Variants in OLFM1 observed in about 807,000 individuals in gnomAD.
OLFM1 encodes noelin.
In OLFM1, 9 loss-of-function variants were observed where a neutral mutation model predicts 49.7. That is an observed-to-expected ratio of 0.18 (90% CI 0.11 to 0.32). The LOEUF is 0.32. Among genes scored for constraint, OLFM1 ranks in the 10% least tolerant of loss-of-function variants. The pLI, the probability that OLFM1 is intolerant of heterozygous loss-of-function variation, is 1.00. For synonymous variants in OLFM1, 240 were observed against 271.8 expected, an observed-to-expected ratio of 0.88 and a Z score of 1.15; for missense variants, 369 against 661.8, an observed-to-expected ratio of 0.56 and a Z score of 4.85.
intron 4 of OLFM1, among the ~76,000 whole-genome samples, chr9:135,099,180 A>T (rs933605543): frequency 6.6e-6 from 1 of 152,242 alleles, no homozygotes; most frequent in South Asian, 2.1e-4. Flanking sequence ...GTCTGCTTTT[A>T]AATAGCACAT....
chr9:135,106,945 C>G, intron 5 of OLFM1, 90 bp downstream of exon 5: 2 of 1,051,240 alleles, frequency 1.9e-6, no homozygotes, highest in Non-Finnish European at 2.8e-6. Flanking sequence ...AAGCCACGCC[C>G]ACCCTCCAGG....
In OLFM1 at chr9:135,095,844, A is replaced by G. The variant is rs776210873; in HGVS notation, c.301-20A>G. On this transcript the variant is annotated intron_variant, in intron 2 of 5. Coordinates refer to ENST00000371793, the MANE Select transcript of OLFM1 (RefSeq NM_001282611.2). ...GCACCTACTGCGGCTGTTTTGCTGA[A>G]CCTGTTGCCCTTTTGACAGGTGCAG... The G allele has an allele frequency of 8.7e-6, 14 of 1,611,202 alleles. No homozygotes were observed. Among genetic ancestry groups the G allele is most frequent in the African/African-American group, 1.3e-5 (1 of 74,766 alleles).
chr9:135,082,592 A>C (rs1830546866), intron 1 of OLFM1, among the ~76,000 whole-genome samples: 1 of 152,172 alleles, frequency 6.6e-6, no homozygotes, highest in Non-Finnish European at 1.5e-5. Flanking sequence ...TGTCAACTTG[A>C]GTCCTTGAAC....
upstream of OLFM1, among the ~76,000 whole-genome samples, chr9:135,085,284 G>T (rs552084590): frequency 5.1e-3 from 784 of 152,352 alleles, 6 homozygotes; most frequent in African/African-American, 0.018. Flanking sequence ...TCTGTGGCTC[G>T]TGGAACTGTG....
rs747242801 is a variant in OLFM1 at position 135,090,380 on chromosome 9, GTGTGTT to G, written c.300+42_300+47del. ...GCAGAGTGTGTGAGTTTGTATGTGT[GTGTGTT>G]TGTGTGTGTGTGTGTGTGTGTACAT... is the stretch of plus-strand genomic sequence containing the variant. On this transcript the variant is annotated intron_variant, in intron 2 of 5. Transcript: ENST00000371793. 11 of 1,532,896 alleles carry G rather than the reference GTGTGTT, an allele frequency of 7.2e-6. No homozygotes were observed. The South Asian group carries it at 1.1e-4, about 15-fold the overall frequency. 95.0% of individuals were successfully genotyped at this position (1,532,896 alleles called of 1,614,324 possible). A position where few individuals can be genotyped will look rare whatever the true frequency, so the allele number is the denominator to read the frequency against.
rs113268478 is a variant in OLFM1 at position 135,097,605 on chromosome 9, C to T, written c.457-681C>T. ...CTAAACCGCATTAAAAAAATTCCAA[C>T]AGAAATTGTGACGAGGGAATCTCAA... On this transcript the variant is annotated intron_variant, in intron 3 of 5. Coordinates refer to ENST00000371793, the MANE Select transcript of OLFM1 (RefSeq NM_001282611.2). Among the ~76,000 whole-genome samples, 686 of 152,310 alleles carry T rather than the reference C, an allele frequency of 4.5e-3. 1 individual carries two copies. Among genetic ancestry groups the T allele is most frequent in the Non-Finnish European group, 7.9e-3 (539 of 68,026 alleles).
At chr9:135,111,909 G>T (rs188788330) in intron 5 of OLFM1, among the ~76,000 whole-genome samples, 16 of 152,270 alleles carry the variant, frequency 1.1e-4, no homozygotes, top group Non-Finnish European at 1.5e-5. Flanking sequence ...TAGAGACAGG[G>T]TTTCACCACA....
In OLFM1 at chr9:135,113,418, TC is replaced by T. The variant is rs1204173406; in HGVS notation, c.784-6083del. The stretch of plus-strand genomic sequence containing the variant: ...CCCAGAACCACCAAGCCCACTCGAG[TC>T]CCGGGCTAAGGACATAAATGATGAT... On this transcript the variant is annotated intron_variant, in intron 5 of 5. Coordinates refer to ENST00000371793, the MANE Select transcript of OLFM1 (RefSeq NM_001282611.2). The surrounding 1 kb of genome is among the most constrained non-coding windows in gnomAD (Gnocchi z 4.0). 2.6e-5 allele frequency among the ~76,000 whole-genome samples: 4 copies of T among 151,616 alleles called. No individual in the cohort carries two copies. Among genetic ancestry groups the T allele is most frequent in the African/African-American group, 9.7e-5 (4 of 41,214 alleles).
At chr9:135,107,038 C>T (rs1219913107) in intron 5 of OLFM1, among the ~76,000 whole-genome samples, 183 bp downstream of exon 5, 1 of 152,188 alleles carries the variant, frequency 6.6e-6, no homozygotes. Context: ...TATGCTAATC[C>T]AGAGCTGTAG....
rs917200606 is a variant in OLFM1, at chr9:135,080,469, C to T, written c.96+4667C>T. The stretch of plus-strand genomic sequence containing the variant: ...CAGGCTGGCAATGCCTCTGGACACA[C>T]GGAGGGAGAGGGGCACCCTCCCCTT... On this transcript the variant is annotated intron_variant, in intron 1 of 5. Transcript: ENST00000252854. This position sits in a 1 kb window ranked among gnomAD's most constrained non-coding sequence, Gnocchi z 4.5. Among the ~76,000 whole-genome samples, 7 of 152,142 alleles carry T rather than the reference C, an allele frequency of 4.6e-5. No individual in the cohort carries two copies. Among genetic ancestry groups the T allele is most frequent in the Non-Finnish European group, 8.8e-5 (6 of 68,030 alleles).
intron 1 of OLFM1, among the ~76,000 whole-genome samples, chr9:135,078,217 G>A (rs1335885097): frequency 6.6e-6 from 1 of 152,220 alleles, no homozygotes; most frequent in African/African-American, 2.4e-5. Context: ...GGAGCTGCCT[G>A]GTGTCTGCCT....
At chr9:135,076,314 C>T in intron 1 of OLFM1, 1 of 1,550,062 alleles carries the variant, frequency 6.5e-7, no homozygotes, top group South Asian at 1.2e-5. Flanking sequence ...GGAAGGGCAG[C>T]CAGCGTGCCG....
At chr9:135,111,361 G>A (rs779157429) in intron 5 of OLFM1, among the ~76,000 whole-genome samples, 9 of 152,214 alleles carry the variant, frequency 5.9e-5, no homozygotes, top group African/African-American at 1.9e-4. Context: ...GGCTGTGCTC[G>A]GGGCAGGGTG....
chr9:135,093,171 T>C lies in OLFM1; in HGVS notation c.301-2693T>C, dbSNP rs918940983. Among the ~76,000 whole-genome samples the C allele has an allele frequency of 2.6e-5, 4 of 152,150 alleles. No individual in the cohort carries two copies. In the East Asian group the frequency reaches 7.7e-4, roughly 29 times the overall value. Reference sequence around the variant, plus strand: ...GTCTCTGATTTCTGTTGCCCTGGGGTCCCTGTGGGGAACCCAGGTATGTAC... The same window carrying C: ...GTCTCTGATTTCTGTTGCCCTGGGGCCCCTGTGGGGAACCCAGGTATGTAC... On this transcript the variant is annotated intron_variant, in intron 2 of 5. Transcript: ENST00000371793.
rs756614716 is a variant in OLFM1, at chr9:135,113,039, G to A, written c.783+6184G>A. Among the ~76,000 whole-genome samples the A allele has an allele frequency of 6.6e-6, 1 of 152,198 alleles. No individual in the cohort carries two copies. Among genetic ancestry groups the A allele is most frequent in the African/African-American group, 2.4e-5 (1 of 41,446 alleles). On this transcript the variant is annotated intron_variant, in intron 5 of 5. Coordinates refer to ENST00000371793, the MANE Select transcript of OLFM1 (RefSeq NM_001282611.2). The surrounding 1 kb of genome is among the most constrained non-coding windows in gnomAD (Gnocchi z 4.0). ...GTCGGGGTCAGGGCAGGCTTTGGAT[G>A]TGCTGTGTGCAAGATCCAGACCAGC...
Position 135,117,364 on chromosome 9 carries a change from T to C in OLFM1, c.784-2140T>C, listed in dbSNP as rs1199304152. On this transcript the variant is annotated intron_variant, in intron 5 of 5. Coordinates refer to ENST00000371793, the MANE Select transcript of OLFM1 (RefSeq NM_001282611.2). The surrounding 1 kb of genome is among the most constrained non-coding windows in gnomAD (Gnocchi z 5.5). Reference sequence around the variant, plus strand: ...TAGGGGTGACAATGAGTGATTACACTCACAGCATCCCAAATGCCAAATTAA... The same window carrying C: ...TAGGGGTGACAATGAGTGATTACACCCACAGCATCCCAAATGCCAAATTAA... Among the ~76,000 whole-genome samples the C allele has an allele frequency of 1.3e-5, 2 of 152,226 alleles. No individual in the cohort carries two copies. The highest frequency in any genetic ancestry group is 2.9e-5 in the Non-Finnish European group (2 of 68,032).
rs113214887 is a variant in OLFM1 at position 135,095,530 on chromosome 9, A to AAAAG, written c.301-333_301-332insAAGA. Among the ~76,000 whole-genome samples the AAAAG allele has an allele frequency of 4.4e-4, 60 of 137,274 alleles. 2 individuals are homozygous for AAAAG. The highest frequency in any genetic ancestry group is 3.8e-3 in the South Asian group (16 of 4,188). 90.1% of individuals were successfully genotyped at this position (137,274 alleles called of 152,430 possible). On this transcript the variant is annotated intron_variant, in intron 2 of 5. Coordinates refer to ENST00000371793, the MANE Select transcript of OLFM1 (RefSeq NM_001282611.2). ...CCACCACTACCAAAAAAAAAAAAAA[A>AAAAG]AGAGAGAGAGAGAGATCAAGAGAAA...
intron 5 of OLFM1, among the ~76,000 whole-genome samples, chr9:135,119,140 G>C (rs372931633): frequency 9.4e-3 from 1,408 of 149,300 alleles, no homozygotes; most frequent in African/African-American, 0.034. Context: ...TACTCGTTGT[G>C]TCTTTGGAGT....
Position 135,098,472 on chromosome 9 carries a change from G to C in OLFM1, c.643G>C (p.Glu215Gln), listed in dbSNP as rs759790413. The change falls in exon 4 of 6, where the codon GAA becomes CAA. Residue 215 changes from glutamate (E) to glutamine (Q), a missense_variant. By Grantham distance (29) the Glu-to-Gln change is conservative. Transcript: ENST00000371793. The surrounding 1 kb of genome is among the most constrained non-coding windows in gnomAD (Gnocchi z 5.6). ...DELQSRVSNL[E>Q]ERLRACMQKL... is the part of the protein sequence containing the mutation. The stretch of plus-strand genomic sequence containing the variant: ...ACTTCAGAGCAGAGTGTCCAATCTT[G>C]AAGAAAGGCTCCGTGCATGCATGCA... The C allele has an allele frequency of 6.8e-6, 11 of 1,613,762 alleles. No homozygotes were observed. The highest frequency in any genetic ancestry group is 8.5e-6 in the Non-Finnish European group (10 of 1,180,026).
Sources: gnomAD v4.1 joint callset for allele counts (sites outside exome capture counted in the v4.1 genomes callset) on GRCh38, gnomAD v4.1.1 for gene constraint, Gnocchi (gnomAD v3.1) non-coding constraint, MANE v1.5 for transcripts, NCBI Gene and HGNC (gene_info 2026-07-23, HGNC 2026-07-21) for gene names.